The following POLD2 variants were observed in gnomAD, a reference collection of about 807,000 sequenced individuals.
POLD2 encodes the protein DNA polymerase delta subunit 2.
A neutral mutation model predicts 48.8 loss-of-function variants in POLD2; 31 were observed. The ratio of observed to expected loss-of-function variants is 0.64; its 90% CI spans 0.48 to 0.86. The LOEUF is 0.86. POLD2 is among the 40% of genes least tolerant of loss of function. The pLI, the probability that POLD2 is intolerant of heterozygous loss-of-function variation, is 0.00. For synonymous variants in POLD2, 233 were observed against 256.3 expected, an observed-to-expected ratio of 0.91 and a Z score of 0.87; for missense variants, 455 against 610.1, an observed-to-expected ratio of 0.75 and a Z score of 2.68.
chr7:44,115,768 A>T lies in POLD2; in HGVS notation c.1145T>A (p.Leu382Gln), dbSNP rs371895239. The change falls in exon 9 of 11, where the codon CTA becomes CAA. Residue 382 changes from leucine to glutamine, a missense_variant and splice_region_variant. Leu to Gln is a moderately radical substitution (Grantham distance 113, BLOSUM62 -2). Coordinates refer to ENST00000610533, the MANE Select transcript of POLD2 (RefSeq NM_006230.4). ...CCCTGTATGGCTGAGCCTGTTACCTAGAGTGTCAGGGGCTGTGGGGCTGAT... is the reference window on the plus strand; with the variant it reads ...CCCTGTATGGCTGAGCCTGTTACCTTGAGTGTCAGGGGCTGTGGGGCTGAT... ...RHISPTAPDT[L>Q]GCYPFYKTDP... 1.6e-5 allele frequency: 26 copies of T among 1,613,094 alleles called. No homozygotes were observed. The highest frequency in any genetic ancestry group is 2.1e-5 in the Non-Finnish European group (25 of 1,179,838).
In POLD2 at chr7:44,121,980, G is replaced by C. The variant is rs745308658; in HGVS notation, c.74C>G (p.Ala25Gly). The change falls in exon 2 of 11, where the codon GCC becomes GGC. Residue 25 changes from alanine to glycine, a missense_variant. Physicochemically the swap from Ala to Gly is moderately conservative, Grantham distance 60. This residue lies in a region of POLD2 where 349 missense variants were observed against 437.4 expected (regional missense o/e 0.80). Transcript: ENST00000610533. The surrounding 1 kb of genome is among the most constrained non-coding windows in gnomAD (Gnocchi z 4.5). Reference protein sequence around the residue: ...SPPSANNATFARVPVATYTNS... With the variant: ...SPPSANNATFGRVPVATYTNS... The stretch of plus-strand genomic sequence containing the variant: ...GGTGTAGGTTGCCACTGGCACCCGG[G>C]CAAAGGTGGCATTGTTGGCTGATGG... 3 of 1,613,750 alleles carry C rather than the reference G, an allele frequency of 1.9e-6. No individual in the cohort carries two copies. Among genetic ancestry groups the C allele is most frequent in the East Asian group, 2.2e-5 (1 of 44,888 alleles).
At chr7:44,120,166 G>A (rs974389442) in intron 2 of POLD2, among the ~76,000 whole-genome samples, 5 of 152,220 alleles carry the variant, frequency 3.3e-5, no homozygotes, top group African/African-American at 9.6e-5. Context: ...CTGTGAGCGA[G>A]TGCTACTGCT....
rs922655481 is a variant in POLD2 at position 44,116,707 on chromosome 7, C to T, written c.780+110G>A. 7.1e-5 allele frequency: 89 copies of T among 1,248,930 alleles called. No individual in the cohort carries two copies. Among genetic ancestry groups the T allele is most frequent in the Non-Finnish European group, 9.1e-5 (80 of 881,834 alleles). 77.4% of individuals were successfully genotyped at this position (1,248,930 alleles called of 1,614,324 possible). A position where few individuals can be genotyped will look rare whatever the true frequency, so the allele number is the denominator to read the frequency against. The stretch of plus-strand genomic sequence containing the variant: ...CCCAGAGTCACTGCAGGGCGCTTCC[C>T]ACCGACCTGCGAGACCTCACAGGGT... On this transcript the variant is annotated intron_variant, in intron 6 of 10. Transcript: ENST00000610533. This position sits in a 1 kb window ranked among gnomAD's most constrained non-coding sequence, Gnocchi z 6.1.
intron 9 of POLD2, 144 bp from the exon 10 acceptor site, chr7:44,115,540 C>T (rs577001266): frequency 1.4e-6 from 1 of 733,310 alleles, no homozygotes; most frequent in East Asian, 2.6e-5. Context: ...GACATTGTCA[C>T]AAGACCTTGG....
chr7:44,122,316 C>G, intron 1 of POLD2: 1 of 1,375,770 alleles, frequency 7.3e-7, no homozygotes, highest in Non-Finnish European at 9.4e-7. Flanking sequence ...AAAAGGAAAG[C>G]TAGGAGTGTT....
chr7:44,118,799 G>A (rs1490966827), intron 2 of POLD2, among the ~76,000 whole-genome samples: 2 of 152,024 alleles, frequency 1.3e-5, no homozygotes, highest in Non-Finnish European at 1.5e-5. Flanking sequence ...GATTACAGTC[G>A]TGAGCCACCG....
chr7:44,123,778 C>T (rs1301325960), upstream of POLD2: 1 of 1,225,372 alleles, frequency 8.2e-7, no homozygotes, highest in South Asian at 2.0e-5. Context: ...TGGTTGGCGG[C>T]CGCGCGTGCA....
chr7:44,123,560 C>A, upstream of POLD2: 2 of 1,481,868 alleles, frequency 1.3e-6, no homozygotes, highest in South Asian at 1.3e-5. Context: ...CCCCGCCCAT[C>A]GCCGCAACTC....
intron 2 of POLD2, among the ~76,000 whole-genome samples, chr7:44,120,653 T>C (rs1416099826): frequency 6.6e-6 from 1 of 152,206 alleles, no homozygotes; most frequent in African/African-American, 2.4e-5. Context: ...GTTCTTGTGA[T>C]GGTGAGTGAG....
chr7:44,118,254 G>A (rs1245585755), intron 2 of POLD2, 190 bp from the exon 3 acceptor site: 1 of 588,876 alleles, frequency 1.7e-6, no homozygotes, highest in Non-Finnish European at 2.9e-6. Context: ...CAGGAGACCA[G>A]GGACTCTGGG....
Position 44,116,128 on chromosome 7 carries a change from T to C in POLD2, c.1006A>G (p.Ile336Val). 6.2e-7 allele frequency: 1 copy of C among 1,613,576 alleles called. No individual in the cohort carries two copies. The highest frequency in any genetic ancestry group is 8.5e-7 in the Non-Finnish European group (1 of 1,180,000). Residue 336 changes from isoleucine (I) to valine (V), a missense_variant, in exon 8 of 11, where the codon ATT (isoleucine) becomes GTT (valine). Physicochemically the swap from Ile to Val is conservative, Grantham distance 29. Transcript: ENST00000610533. The surrounding 1 kb of genome is among the most constrained non-coding windows in gnomAD (Gnocchi z 6.1). ...QLVTNPYQAT[I>V]DGVRFLGTSG... ...TGTGCCAGCTACCTGACTCCATCAA[T>C]GGTGGCCTGGTAGGGGTTGGTGACC... is the stretch of plus-strand genomic sequence containing the variant.
intron 9 of POLD2, 107 bp downstream of exon 9, chr7:44,115,659 C>G: frequency 1.6e-6 from 2 of 1,267,878 alleles, no homozygotes; most frequent in Non-Finnish European, 2.2e-6. Flanking sequence ...TCAGACAGTT[C>G]TCAGCAATGC....
At position 44,121,922 on chromosome 7, in the gene POLD2, G is replaced by A; in HGVS notation, c.132C>T (p.Arg44=). The A allele has an allele frequency of 6.2e-7, 1 of 1,613,860 alleles. No individual in the cohort carries two copies. Among genetic ancestry groups the A allele is most frequent in the Non-Finnish European group, 8.5e-7 (1 of 1,180,036 alleles). ...NSSQPFRLGE[R]SFSRQYAHIY... ...TGTGGGCATACTGCCGGCTAAAGCT[G>A]CGCTCTCCTAGCCGGAAGGGTTGTG... Residue 44 remains arginine, a synonymous_variant, in exon 2 of 11, where the codon CGC becomes CGT. Transcript: ENST00000610533. The surrounding 1 kb of genome is among the most constrained non-coding windows in gnomAD (Gnocchi z 4.5).
chr7:44,117,502 C>G, intron 4 of POLD2, 117 bp downstream of exon 4: 1 of 1,286,656 alleles, frequency 7.8e-7, no homozygotes, highest in African/African-American at 1.5e-5. Flanking sequence ...CAAGAACACA[C>G]GTGTGCCCAG....
Position 44,117,969 on chromosome 7 carries a change from A to G in POLD2, c.316T>C (p.Ser106Pro). 1 of 1,614,124 alleles carries G rather than the reference A, an allele frequency of 6.2e-7. No homozygotes were observed. The highest frequency in any genetic ancestry group is 8.5e-7 in the Non-Finnish European group (1 of 1,180,010). The part of the protein sequence containing the change: ...TLFKAMPLQP[S>P]ILREVSEEHN... ...TCCTCGCTGACCTCCCGCAGGATGG[A>G]GGGCTGCAGCGGCATGGCCTTGAAC... The change falls in exon 3 of 11, where the codon TCC (serine) becomes CCC (proline). Residue 106 changes from serine (S) to proline (P), a missense_variant. Ser to Pro is a moderately conservative substitution (Grantham distance 74). This residue lies in a region of POLD2 where 349 missense variants were observed against 437.4 expected (regional missense o/e 0.80). Coordinates refer to ENST00000610533, the MANE Select transcript of POLD2 (RefSeq NM_006230.4).
At chr7:44,118,918 C>T (rs180818107) in intron 2 of POLD2, among the ~76,000 whole-genome samples, 38 of 152,256 alleles carry the variant, frequency 2.5e-4, no homozygotes, top group Non-Finnish European at 4.1e-4. Context: ...AATTACAACA[C>T]TGACTCTTAA....
In POLD2 at chr7:44,116,053, C is replaced by T. The variant is rs1041360499; in HGVS notation, c.1019+62G>A. On this transcript the variant is annotated intron_variant, in intron 8 of 10. Transcript: ENST00000610533. This position sits in a 1 kb window ranked among gnomAD's most constrained non-coding sequence, Gnocchi z 6.1. ...ACCTTCCTGGGCCCTCCCTCCCCTCCCTTCTTTGTGCCTCCTGAGGCAAAA... is the reference window on the plus strand; with the variant it reads ...ACCTTCCTGGGCCCTCCCTCCCCTCTCTTCTTTGTGCCTCCTGAGGCAAAA... 10 of 1,608,438 alleles carry T rather than the reference C, an allele frequency of 6.2e-6. No homozygotes were observed. The Middle Eastern group carries it at 5.3e-4, about 86-fold the overall frequency.
In POLD2 at chr7:44,116,768, C is replaced by A; in HGVS notation, c.780+49G>T. On this transcript the variant is annotated intron_variant, in intron 6 of 10. Transcript: ENST00000610533. The surrounding 1 kb of genome is among the most constrained non-coding windows in gnomAD (Gnocchi z 6.1). ...CCCTGGGGAAGGAGGGTCTTACAGG[C>A]TTGCAGGCTCCTGGGCTGGGGCTGA... is the stretch of plus-strand genomic sequence containing the variant. 1 of 1,594,504 alleles carries A rather than the reference C, an allele frequency of 6.3e-7. No individual in the cohort carries two copies. Among genetic ancestry groups the A allele is most frequent in the Non-Finnish European group, 8.6e-7 (1 of 1,165,412 alleles).
In POLD2 at chr7:44,116,997, G is replaced by A. The variant is rs780102024; in HGVS notation, c.600C>T (p.Ser200=). Reference sequence around the variant, plus strand: ...CTCCACCGCCACCCAGGCCCAGGCCGGACACCAGTAGCACAAACCTGCGGG... The same window carrying A: ...CTCCACCGCCACCCAGGCCCAGGCCAGACACCAGTAGCACAAACCTGCGGG... ...LDTDRFVLLV[S]GLGLGGGGGE... Residue 200 remains serine, a synonymous_variant, in exon 6 of 11, where the codon TCC becomes TCT. Transcript: ENST00000610533. This position sits in a 1 kb window ranked among gnomAD's most constrained non-coding sequence, Gnocchi z 6.1. 2.2e-5 allele frequency: 36 copies of A among 1,613,406 alleles called. 2 individuals are homozygous for A. In the South Asian group the frequency reaches 2.5e-4, roughly 11 times the overall value.
Sources: allele counts gnomAD v4.1 joint callset (sites outside exome capture counted in the v4.1 genomes callset), GRCh38; gene constraint gnomAD v4.1.1; regional missense constraint gnomAD v4.1.1; non-coding constraint Gnocchi (gnomAD v3.1); transcripts MANE v1.5; gene names NCBI Gene and HGNC (gene_info 2026-07-23, HGNC 2026-07-21).